Variants in NEO1 observed in about 807,000 individuals in gnomAD.
The protein encoded by NEO1 is neogenin.
In NEO1, 63 loss-of-function variants were observed where a neutral mutation model predicts 159.7. The observed-to-expected ratio is 0.39, with a 90% CI of 0.32 to 0.49. NEO1 has a LOEUF of 0.49. NEO1 is among the 20% of genes least tolerant of loss of function. The pLI is 0.85. For missense variants in NEO1, 1,615 were observed against 1,831.0 expected (o/e 0.88, Z 2.15); for synonymous variants, 633 against 662.0 (o/e 0.96, Z 0.67).
intron 1 of NEO1, among the ~76,000 whole-genome samples, chr15:73,110,053 TG>T (rs1240818394): frequency 6.6e-6 from 1 of 152,194 alleles, no homozygotes; most frequent in African/African-American, 2.4e-5. Flanking sequence ...TTGAGATCTT[TG>T]AATGTTAAAT....
At chr15:73,196,909 C>T (rs1288366331) in intron 7 of NEO1, among the ~76,000 whole-genome samples, 5 of 152,138 alleles carry the variant, frequency 3.3e-5, no homozygotes, top group African/African-American at 7.2e-5. Flanking sequence ...CGATCTCATG[C>T]GTGGTCAGTT....
intron 27 of NEO1, 94 bp from the exon 28 acceptor site, chr15:73,301,227 T>C: frequency 6.5e-7 from 1 of 1,527,132 alleles, no homozygotes; most frequent in Non-Finnish European, 8.9e-7. Flanking sequence ...TGTATGTCTC[T>C]CTCACCCCGA....
At chr15:73,100,807 A>G (rs1467422110) in intron 1 of NEO1, among the ~76,000 whole-genome samples, 2 of 152,192 alleles carry the variant, frequency 1.3e-5, no homozygotes, top group African/African-American at 4.8e-5. Flanking sequence ...TAGCCCAGTA[A>G]TTCTGTTTTG....
At chr15:73,100,148 G>A (rs1356136484) in intron 1 of NEO1, among the ~76,000 whole-genome samples, 4 of 151,872 alleles carry the variant, frequency 2.6e-5, no homozygotes, top group African/African-American at 7.3e-5. Flanking sequence ...AAACACCAGC[G>A]TCTATAAATG....
chr15:73,122,712 T>G lies in NEO1; in HGVS notation c.636T>G (p.Thr212=). 1 of 1,614,168 alleles carries G rather than the reference T, an allele frequency of 6.2e-7. No homozygotes were observed. The highest frequency in any genetic ancestry group is 1.1e-5 in the South Asian group (1 of 91,084). Reference sequence around the variant, plus strand: ...GAATGCTGGTTATCAGCAATGCAACTGAAGGAGATGGCGGGCTTTATCGCT... The same window carrying G: ...GAATGCTGGTTATCAGCAATGCAACGGAAGGAGATGGCGGGCTTTATCGCT... ...PSGMLVISNA[T]EGDGGLYRCV... is the part of the protein sequence containing the mutation. Residue 212 remains threonine (T), a synonymous_variant, in exon 3 of 29, where the codon ACT becomes ACG. Coordinates refer to ENST00000261908, the MANE Select transcript of NEO1 (RefSeq NM_002499.4).
intron 7 of NEO1, among the ~76,000 whole-genome samples, chr15:73,186,084 C>T (rs1259906491): frequency 6.6e-6 from 1 of 151,094 alleles, no homozygotes; most frequent in East Asian, 1.9e-4. Context: ...ATGAAAATAT[C>T]TTGAAGGCAA....
At position 73,272,169 on chromosome 15, in the gene NEO1, G is replaced by A. The variant is rs546856015; in HGVS notation, c.2858-286G>A. 1.6e-4 allele frequency among the ~76,000 whole-genome samples: 24 copies of A among 152,230 alleles called. No individual in the cohort carries two copies. The South Asian group carries it at 3.1e-3, about 20-fold the overall frequency. The stretch of plus-strand genomic sequence containing the variant: ...GTTACCTGGTATACGGTAGGTACTT[G>A]GTACAAATGCCACTTGACTTTCCTA... On this transcript the variant is annotated intron_variant, in intron 18 of 28. Coordinates refer to ENST00000261908, the MANE Select transcript of NEO1 (RefSeq NM_002499.4).
At chr15:73,061,365 C>T (rs191285941) in intron 1 of NEO1, among the ~76,000 whole-genome samples, 4 of 152,290 alleles carry the variant, frequency 2.6e-5, no homozygotes, top group Admixed American at 6.5e-5. Context: ...TTCCTTTTAT[C>T]CCCTCCTACT....
At chr15:73,056,747 T>G (rs2067719441) in intron 1 of NEO1, among the ~76,000 whole-genome samples, 1 of 152,198 alleles carries the variant, frequency 6.6e-6, no homozygotes, top group African/African-American at 2.4e-5. Flanking sequence ...TTACTTAGTT[T>G]CCAGATCTTT....
chr15:73,212,449 T>A (rs186927308), intron 7 of NEO1, among the ~76,000 whole-genome samples: 2 of 152,334 alleles, frequency 1.3e-5, no homozygotes, highest in Admixed American at 1.3e-4. Flanking sequence ...TATCTCTCAG[T>A]TTTATCAGAA....
At chr15:73,130,717 C>G (rs946638774) in intron 4 of NEO1, among the ~76,000 whole-genome samples, 10 of 152,178 alleles carry the variant, frequency 6.6e-5, no homozygotes, top group Admixed American at 1.3e-4. Flanking sequence ...AAGTAGAGAA[C>G]AAATGGAGAG....
At chr15:73,136,455 C>G (rs1314018113) in intron 5 of NEO1, among the ~76,000 whole-genome samples, 1 of 151,956 alleles carries the variant, frequency 6.6e-6, no homozygotes, top group Non-Finnish European at 1.5e-5. Context: ...TTTCTTGTCT[C>G]AGGATGTTTT....
In NEO1 at chr15:73,066,111, A is replaced by T. The variant is rs1029438737; in HGVS notation, c.130+13306A>T. On this transcript the variant is annotated intron_variant, in intron 1 of 28. Transcript: ENST00000261908. ...CAGTGGCATGATCTTGGCTCACTGC[A>T]GGTTCATGCCATTCTCCTGTCTCAG... is the stretch of plus-strand genomic sequence containing the variant. Among the ~76,000 whole-genome samples the T allele has an allele frequency of 3.4e-5, 5 of 147,854 alleles. No homozygotes were observed. The East Asian group carries it at 6.0e-4, about 18-fold the overall frequency.
chr15:73,223,733 G>A (rs539662001), intron 7 of NEO1, among the ~76,000 whole-genome samples: 8 of 152,268 alleles, frequency 5.3e-5, no homozygotes, highest in African/African-American at 1.2e-4. Flanking sequence ...TATCCATTCC[G>A]CAGTTGTGTA....
intron 1 of NEO1, among the ~76,000 whole-genome samples, chr15:73,090,764 G>T (rs142042448): frequency 6.6e-6 from 1 of 151,880 alleles, no homozygotes; most frequent in African/African-American, 2.4e-5. Context: ...CCTGTTCCTC[G>T]TATCTTTATG....
chr15:73,176,321 T>G, intron 5 of NEO1, 82 bp from the exon 6 acceptor site: 1 of 974,494 alleles, frequency 1.0e-6, no homozygotes. Context: ...CTGTGGATTT[T>G]ATGATTTAAA....
At chr15:73,149,898 A>G (rs901013607) in intron 5 of NEO1, among the ~76,000 whole-genome samples, 1 of 152,182 alleles carries the variant, frequency 6.6e-6, no homozygotes, top group Non-Finnish European at 1.5e-5. Context: ...TGAAATATAT[A>G]GTATGTTATT....
chr15:73,094,369 C>T (rs1363946762), intron 1 of NEO1, among the ~76,000 whole-genome samples: 2 of 152,140 alleles, frequency 1.3e-5, no homozygotes, highest in African/African-American at 2.4e-5. Context: ...TTTCAAGGTT[C>T]GTCCATGTTG....
In NEO1 at chr15:73,052,598, G is replaced by T; in HGVS notation, c.-78G>T. The T allele has an allele frequency of 1.0e-6, 1 of 967,716 alleles. No individual in the cohort carries two copies. Among genetic ancestry groups the T allele is most frequent in the South Asian group, 3.4e-5 (1 of 29,670 alleles). 59.9% of individuals were successfully genotyped at this position (967,716 alleles called of 1,614,324 possible). ...GAGCCGAGCTTGCAGCGAGGGACCG[G>T]CTGAGGCGCGCGGGAGGGAAGGAGG... On this transcript the variant is annotated 5_prime_UTR_variant, in exon 1 of 29. Coordinates refer to ENST00000261908, the MANE Select transcript of NEO1 (RefSeq NM_002499.4).
Sources: allele counts gnomAD v4.1 joint callset (sites outside exome capture counted in the v4.1 genomes callset), GRCh38; gene constraint gnomAD v4.1.1; transcripts MANE v1.5; gene names NCBI Gene and HGNC (gene_info 2026-07-23, HGNC 2026-07-21).